Variants in AARS1 observed in about 807,000 individuals in gnomAD.
AARS1 encodes the protein alanine--tRNA ligase, cytoplasmic.
In AARS1, 72 loss-of-function variants were observed where a neutral mutation model predicts 108.9. The ratio of observed to expected loss-of-function variants is 0.66; its 90% CI spans 0.55 to 0.80. The LOEUF (loss-of-function observed/expected upper bound fraction) is 0.80. Among genes scored for constraint, AARS1 ranks in the 30% least tolerant of loss-of-function variants. The probability of loss-of-function intolerance (pLI) is 0.00; values close to 1 mark genes in which losing one functional copy is unlikely to be tolerated. For synonymous variants in AARS1, 489 were observed against 465.7 expected, an observed-to-expected ratio of 1.05 and a Z score of -0.64; for missense variants, 1,193 against 1,233.2, an observed-to-expected ratio of 0.97 and a Z score of 0.49.
At chr16:70,263,372 G>A (rs1401553978) in intron 11 of AARS1, among the ~76,000 whole-genome samples, 1 of 152,066 alleles carries the variant, frequency 6.6e-6, no homozygotes, top group Non-Finnish European at 1.5e-5. Context: ...AGCAGTTTGA[G>A]ACCAGCCTGG....
At position 70,264,959 on chromosome 16, in the gene AARS1, A is replaced by AT. The variant is rs1239329801; in HGVS notation, c.1490dup (p.Tyr497Ter). The change falls in exon 11 of 21, where the codon TAT becomes TAAT. Residue 497 changes from tyrosine (Y) to a stop codon, truncating the protein, a stop_gained and frameshift_variant and splice_region_variant. Coordinates refer to ENST00000261772, the MANE Select transcript of AARS1 (RefSeq NM_001605.3). LOFTEE classifies it high-confidence loss of function. ...TGTGGAAGGAGCACAGCAACATACC[A>AT]TAGCTACCACTGGAGTCCAAATGGT... ...YNYHLDSSGS[Y>*]VFENTVATVM... 1 of 1,614,096 alleles carries AT rather than the reference A, an allele frequency of 6.2e-7. No homozygotes were observed. Among genetic ancestry groups the AT allele is most frequent in the Admixed American group, 1.7e-5 (1 of 59,982 alleles).
At chr16:70,276,092 G>A (rs978947504) in intron 4 of AARS1, 2 of 157,892 alleles carry the variant, frequency 1.3e-5, no homozygotes, top group Non-Finnish European at 1.4e-5. Context: ...GCACACGCCT[G>A]TAATCCCAGC....
Position 70,259,338 on chromosome 16 carries a change from G to T in AARS1, c.1786-152C>A, listed in dbSNP as rs146695096. The T allele has an allele frequency of 5.8e-5, 47 of 815,066 alleles. No homozygotes were observed. The South Asian group carries it at 7.1e-4, about 12-fold the overall frequency. 50.5% of individuals were successfully genotyped at this position (815,066 alleles called of 1,614,324 possible). On this transcript the variant is annotated intron_variant, in intron 13 of 20. Coordinates refer to ENST00000261772, the MANE Select transcript of AARS1 (RefSeq NM_001605.3). Reference sequence around the variant, plus strand: ...TCCCAGCTTCCCTATGGCTAAGTGTGTCCATGTGACTAAGTTCGGGTCAAA... The same window carrying T: ...TCCCAGCTTCCCTATGGCTAAGTGTTTCCATGTGACTAAGTTCGGGTCAAA...
At chr16:70,280,734 A>T (rs1271515196) in intron 2 of AARS1, among the ~76,000 whole-genome samples, 2 of 152,208 alleles carry the variant, frequency 1.3e-5, no homozygotes, top group East Asian at 3.8e-4. Context: ...ACATGCTGAC[A>T]AACTCCTCTT....
At chr16:70,284,641 G>A (rs149594997) in intron 1 of AARS1, among the ~76,000 whole-genome samples, 1 of 152,092 alleles carries the variant, frequency 6.6e-6, no homozygotes, top group Non-Finnish European at 1.5e-5. Context: ...CAGATATTAC[G>A]ATTTCCCTGA....
chr16:70,281,310 T>A (rs952777690), intron 2 of AARS1, among the ~76,000 whole-genome samples: 2 of 152,134 alleles, frequency 1.3e-5, no homozygotes, highest in Non-Finnish European at 2.9e-5. Context: ...GAGGATTACT[T>A]GAGGCCATGA....
intron 4 of AARS1, among the ~76,000 whole-genome samples, chr16:70,272,443 C>G (rs138391265): frequency 7.9e-6 from 1 of 126,768 alleles, no homozygotes; most frequent in Non-Finnish European, 1.6e-5. Flanking sequence ...GAGGCAGAGG[C>G]TGCGATGAGC....
chr16:70,288,402 C>T (rs1960920646), intron 1 of AARS1, among the ~76,000 whole-genome samples: 1 of 151,648 alleles, frequency 6.6e-6, no homozygotes, highest in Admixed American at 6.6e-5. Context: ...AGCCACCGCG[C>T]CCGGCCGCCT....
chr16:70,281,299 G>A (rs1019970654), intron 2 of AARS1, among the ~76,000 whole-genome samples: 2 of 152,172 alleles, frequency 1.3e-5, no homozygotes, highest in African/African-American at 2.4e-5. Context: ...AGCTAAGGCA[G>A]GAGGATTACT....
In AARS1 at chr16:70,258,104, C is replaced by G. The variant is rs746709009; in HGVS notation, c.2106G>C (p.Pro702=). 2.5e-6 allele frequency: 4 copies of G among 1,613,960 alleles called. No individual in the cohort carries two copies. In the South Asian group the frequency reaches 4.4e-5, roughly 18 times the overall value. The change falls in exon 15 of 21, where the codon CCG becomes CCC. Residue 702 remains proline (P), a synonymous_variant. Coordinates refer to ENST00000261772, the MANE Select transcript of AARS1 (RefSeq NM_001605.3). ...AGGGGTCATCCAGCAACTCGGACAC[C>G]GGGACCCCAATGGAGACGACTCGCA... ...DPVRVVSIGV[P]VSELLDDPSG... is the part of the protein sequence containing the mutation.
At chr16:70,276,369 T>A in intron 4 of AARS1, 117 bp downstream of exon 4, 1 of 1,201,224 alleles carries the variant, frequency 8.3e-7, no homozygotes, top group Non-Finnish European at 1.2e-6. Context: ...CCCATGTGCA[T>A]CTCAAAAGGA....
intron 10 of AARS1, 126 bp from the exon 11 acceptor site, chr16:70,265,228 C>G: frequency 7.9e-7 from 1 of 1,259,016 alleles, no homozygotes; most frequent in Non-Finnish European, 1.1e-6. Context: ...CCTGGCACTA[C>G]TGACATTTGG....
chr16:70,280,831 T>C (rs1156236465), intron 2 of AARS1, among the ~76,000 whole-genome samples: 1 of 152,156 alleles, frequency 6.6e-6, no homozygotes, highest in Non-Finnish European at 1.5e-5. Flanking sequence ...GTCTTTTTCT[T>C]TTCTTTCCTT....
In AARS1 at chr16:70,268,436, C is replaced by T. The variant is rs79879166; in HGVS notation, c.963-57G>A. 1.1e-3 allele frequency: 1,657 copies of T among 1,451,352 alleles called. 36 individuals carry two copies. In the East Asian group the frequency reaches 0.024, roughly 21 times the overall value. 89.9% of individuals were successfully genotyped at this position (1,451,352 alleles called of 1,614,324 possible). A position where few individuals can be genotyped will look rare whatever the true frequency, so the allele number is the denominator to read the frequency against. On this transcript the variant is annotated intron_variant, in intron 7 of 20. Coordinates refer to ENST00000261772, the MANE Select transcript of AARS1 (RefSeq NM_001605.3). ...CCCAGCTGAGGGTTTTGTCTTGAGT[C>T]CCTTGGAATCCTACCCAAAGCAACA... is the stretch of plus-strand genomic sequence containing the variant.
At position 70,270,192 on chromosome 16, in the gene AARS1, G is replaced by C; in HGVS notation, c.816+4C>G. ...GTTTACAATGTTTGCAATAGCACCA[G>C]TACCTTCTGAATGGCTTCAAAGTAA... On this transcript the variant is annotated splice_donor_region_variant and intron_variant, in intron 6 of 20. Transcript: ENST00000261772. 1.2e-6 allele frequency: 2 copies of C among 1,614,098 alleles called. No individual in the cohort carries two copies. Among genetic ancestry groups the C allele is most frequent in the Admixed American group, 3.3e-5 (2 of 60,010 alleles).
intron 1 of AARS1, among the ~76,000 whole-genome samples, chr16:70,284,640 C>T (rs951076831): frequency 2.0e-5 from 3 of 152,202 alleles, no homozygotes; most frequent in South Asian, 2.1e-4. Flanking sequence ...ACAGATATTA[C>T]GATTTCCCTG....
intron 2 of AARS1, among the ~76,000 whole-genome samples, chr16:70,281,395 G>A (rs1960691693): frequency 6.6e-6 from 1 of 152,168 alleles, no homozygotes; most frequent in African/African-American, 2.4e-5. Flanking sequence ...GCCAGGCAAG[G>A]TGGCTCACGT....
chr16:70,272,925 A>ACACACACAC (rs1567608990), intron 4 of AARS1, among the ~76,000 whole-genome samples: 2 of 71,094 alleles, frequency 2.8e-5, no homozygotes, highest in African/African-American at 9.7e-5. Flanking sequence ...CACACACACA[A>ACACACACAC]AAGATTGTGC....
chr16:70,269,703 T>A lies in AARS1; in HGVS notation c.877A>T (p.Met293Leu), dbSNP rs762420332. 8 of 1,614,150 alleles carry A rather than the reference T, an allele frequency of 5.0e-6. No individual in the cohort carries two copies. The highest frequency in any genetic ancestry group is 6.8e-6 in the Non-Finnish European group (8 of 1,180,018). ...VGAEDADGID[M>L]AYRVLADHAR... Reference sequence around the variant, plus strand: ...TGGTCAGCCAGCACCCGGTAGGCCATGTCAATCCCATCGGCATCCTCAGCA... The same window carrying A: ...TGGTCAGCCAGCACCCGGTAGGCCAAGTCAATCCCATCGGCATCCTCAGCA... Residue 293 changes from methionine (M) to leucine (L), a missense_variant, in exon 7 of 21, where the codon ATG becomes TTG. Coordinates refer to ENST00000261772, the MANE Select transcript of AARS1 (RefSeq NM_001605.3).
Sources: gnomAD v4.1 joint callset for allele counts (sites outside exome capture counted in the v4.1 genomes callset) on GRCh38, gnomAD v4.1.1 for gene constraint, MANE v1.5 for transcripts, NCBI Gene and HGNC (gene_info 2026-07-23, HGNC 2026-07-21) for gene names.